Variants in TTYH3 observed in about 807,000 individuals in gnomAD.
TTYH3 encodes the protein protein tweety homolog 3.
In TTYH3, 23 loss-of-function variants were observed where a neutral mutation model predicts 68.2. That is an observed-to-expected ratio of 0.34 (90% CI 0.24 to 0.48). The LOEUF is 0.48. Ranked by LOEUF, TTYH3 falls within the 20% of genes least tolerant of loss-of-function variation. The pLI, the probability that TTYH3 is intolerant of heterozygous loss-of-function variation, is 0.99. For missense variants in TTYH3, 768 were observed against 727.7 expected, an observed-to-expected ratio of 1.06 and a Z score of -0.64; for synonymous variants, 360 against 332.8, an observed-to-expected ratio of 1.08 and a Z score of -0.89.
At position 2,647,893 on chromosome 7, in the gene TTYH3, C is replaced by T. The variant is rs180716740; in HGVS notation, c.627-66C>T. 2.9e-4 allele frequency: 455 copies of T among 1,563,652 alleles called. 1 individual carries two copies. In the African/African-American group the frequency reaches 5.5e-3, roughly 19 times the overall value. ...GCTGGCCTCAGCTCCCCCTCAAGGG[C>T]CCCTGGCGCCCCACTCCCAGGCCCC... is the stretch of plus-strand genomic sequence containing the variant. On this transcript the variant is annotated intron_variant, in intron 4 of 13. Transcript: ENST00000258796.
chr7:2,648,345 G>A (rs976816398), intron 5 of TTYH3: 12 of 370,970 alleles, frequency 3.2e-5, no homozygotes, highest in South Asian at 1.1e-4. Context: ...CCAGGTCTCC[G>A]AGTGCCTGGG....
intron 1 of TTYH3, among the ~76,000 whole-genome samples, chr7:2,634,764 G>A (rs1430910256): frequency 6.6e-6 from 1 of 152,138 alleles, no homozygotes; most frequent in Non-Finnish European, 1.5e-5. Flanking sequence ...ACAGCCCCAG[G>A]AGGTGGGGAG....
At chr7:2,647,068 G>GC (rs1379117452) in intron 2 of TTYH3, 46 bp downstream of exon 2, 1 of 1,070,564 alleles carries the variant, frequency 9.3e-7, no homozygotes, top group Admixed American at 2.3e-5. Context: ...AGAGGGGGCG[G>GC]CCCGAGGGGG....
intron 1 of TTYH3, among the ~76,000 whole-genome samples, chr7:2,640,408 G>GT (rs1001015238): frequency 3.9e-5 from 6 of 152,026 alleles, no homozygotes; most frequent in Non-Finnish European, 8.8e-5. Flanking sequence ...GTGTGTGGGG[G>GT]GGGACGTGTG....
chr7:2,651,464 C>G (rs1786174511), intron 7 of TTYH3, among the ~76,000 whole-genome samples: 1 of 152,226 alleles, frequency 6.6e-6, no homozygotes. Context: ...CCGCTCAGTG[C>G]TACCCACCAC....
chr7:2,664,511 C>T lies in TTYH3; in HGVS notation c.*2772C>T, dbSNP rs1786569593. ...TATAATCTCCTTAAGACTCAGCCTC[C>T]TGGTTTACCCCCCCGGCCTGGGCAT... is the stretch of plus-strand genomic sequence containing the variant. On this transcript the variant is annotated 3_prime_UTR_variant, in exon 14 of 14. Transcript: ENST00000258796. The T allele has an allele frequency of 6.6e-6, 1 of 151,832 alleles. No homozygotes were observed. Among genetic ancestry groups the T allele is most frequent in the Non-Finnish European group, 1.5e-5 (1 of 67,988 alleles). 9.4% of individuals were successfully genotyped at this position (151,832 alleles called of 1,614,324 possible). A position where few individuals can be genotyped will look rare whatever the true frequency, so the allele number is the denominator to read the frequency against.
In TTYH3 at chr7:2,652,178, T is replaced by G; in HGVS notation, c.872-9T>G. 1 of 1,613,290 alleles carries G rather than the reference T, an allele frequency of 6.2e-7. No homozygotes were observed. The highest frequency in any genetic ancestry group is 8.5e-7 in the Non-Finnish European group (1 of 1,179,896). On this transcript the variant is annotated splice_polypyrimidine_tract_variant and intron_variant, in intron 7 of 13. Transcript: ENST00000258796. ...TTGCAGCTCAGCCTTCCCTGATGTC[T>G]CTCCGCAGACATCCTGCAGTACTAC... is the stretch of plus-strand genomic sequence containing the variant.
rs757924462 is a variant in TTYH3, at chr7:2,650,019, G to T, written c.871+31G>T. 6 of 1,611,812 alleles carry T rather than the reference G, an allele frequency of 3.7e-6. No individual in the cohort carries two copies. In the Admixed American group the frequency reaches 8.3e-5, roughly 22 times the overall value. ...TCTGTGTCCACGGCCGTGTCCCAGCGGGTTCCCCAGGGTTGGGCTGAGCCA... is the reference window on the plus strand; with the variant it reads ...TCTGTGTCCACGGCCGTGTCCCAGCTGGTTCCCCAGGGTTGGGCTGAGCCA... On this transcript the variant is annotated intron_variant, in intron 7 of 13. Coordinates refer to ENST00000258796, the MANE Select transcript of TTYH3 (RefSeq NM_025250.3).
chr7:2,637,072 C>T (rs113282382), intron 1 of TTYH3, among the ~76,000 whole-genome samples: 87 of 152,264 alleles, frequency 5.7e-4, no homozygotes, highest in Non-Finnish European at 1.2e-3. Context: ...TCTAGCATCA[C>T]CAGGGGCCAC....
chr7:2,659,075 C>T (rs914106390), intron 13 of TTYH3, 60 bp downstream of exon 13: 3 of 1,528,882 alleles, frequency 2.0e-6, no homozygotes, highest in Admixed American at 3.4e-5. Context: ...TCCGCTGTTC[C>T]ACTGCGTCGG....
rs762776961 is a variant in TTYH3, at chr7:2,652,233, C to G, written c.918C>G (p.Pro306=). The G allele has an allele frequency of 6.2e-7, 1 of 1,612,668 alleles. No homozygotes were observed. The highest frequency in any genetic ancestry group is 1.1e-5 in the South Asian group (1 of 91,082). ...YLACSPRAAN[P]FQQKLSGSHK... is the part of the protein sequence containing the mutation. ...CCTGCTCGCCCCGCGCCGCCAACCC[C>G]TTCCAGCAGGTGAGAGCCTGGGAGG... Residue 306 remains proline (P), a synonymous_variant, in exon 8 of 14, where the codon CCC becomes CCG. Coordinates refer to ENST00000258796, the MANE Select transcript of TTYH3 (RefSeq NM_025250.3).
At chr7:2,642,205 G>C (rs1785864984) in intron 1 of TTYH3, among the ~76,000 whole-genome samples, 1 of 152,138 alleles carries the variant, frequency 6.6e-6, no homozygotes, top group African/African-American at 2.4e-5. Context: ...GACCAGCCTG[G>C]GCAACATAGC....
rs866709381 is a variant in TTYH3 at position 2,632,111 on chromosome 7, A to G, written c.-45A>G. On this transcript the variant is annotated 5_prime_UTR_variant, in exon 1 of 14. Transcript: ENST00000258796. ...AGCCCGCGCCCCGGGCCAGCAAGGG[A>G]GCCCCGCGCAGGCCGCGCGCATCCG... The G allele has an allele frequency of 3.9e-6, 5 of 1,289,240 alleles. No individual in the cohort carries two copies. In the South Asian group the frequency reaches 1.2e-4, roughly 30 times the overall value. 79.9% of individuals were successfully genotyped at this position (1,289,240 alleles called of 1,614,324 possible). A position where few individuals can be genotyped will look rare whatever the true frequency, so the allele number is the denominator to read the frequency against.
intron 1 of TTYH3, 137 bp downstream of exon 1, chr7:2,632,415 C>T (rs577463233): frequency 3.8e-5 from 34 of 898,448 alleles, no homozygotes; most frequent in Admixed American, 1.0e-4. Flanking sequence ...ACCTCCTCCT[C>T]GCAGGTACCG....
intron 7 of TTYH3, among the ~76,000 whole-genome samples, chr7:2,651,784 T>G (rs530195800): frequency 1.6e-4 from 24 of 152,326 alleles, no homozygotes; most frequent in African/African-American, 5.8e-4. Flanking sequence ...GAACTGAACT[T>G]GTAAAGAGTT....
At chr7:2,660,550 G>A (rs1159746855) in intron 13 of TTYH3, 7 of 984,920 alleles carry the variant, frequency 7.1e-6, no homozygotes, top group Middle Eastern at 5.2e-4. Context: ...GCCCCGTCCC[G>A]TCCAGTCCCG....
At chr7:2,647,357 G>C (rs1489331382) in intron 3 of TTYH3, 61 bp from the exon 4 acceptor site, 13 of 1,475,284 alleles carry the variant, frequency 8.8e-6, no homozygotes, top group Non-Finnish European at 1.2e-5. Context: ...GTGCAGGAGG[G>C]GCCCAGACTC....
chr7:2,646,987 G>C lies in TTYH3; in HGVS notation c.258G>C (p.Thr86=), dbSNP rs772025387. 1.6e-4 allele frequency: 251 copies of C among 1,589,260 alleles called. 4 individuals are homozygous for C. Among genetic ancestry groups the C allele is most frequent in the South Asian group, 1.2e-3 (107 of 88,408 alleles). Residue 86 remains threonine (T), a synonymous_variant, in exon 2 of 14, where the codon ACG becomes ACC. Transcript: ENST00000258796. ...EEHLDADCCC[T]AWCVIIATLV... ...ACCTGGACGCCGACTGCTGCTGCAC[G>C]GCCTGGTGTGTCATCATCGCCACGC...
Position 2,658,267 on chromosome 7 carries a change from T to G in TTYH3, c.1251-19T>G, listed in dbSNP as rs780391392. On this transcript the variant is annotated intron_variant, in intron 11 of 13. Coordinates refer to ENST00000258796, the MANE Select transcript of TTYH3 (RefSeq NM_025250.3). The stretch of plus-strand genomic sequence containing the variant: ...TTCCTGCTGGGGCCTGAGCCCGTGC[T>G]GCGTGTCCCTCCTCACAGAGGCCCT... 6 of 1,531,782 alleles carry G rather than the reference T, an allele frequency of 3.9e-6. No homozygotes were observed. In the African/African-American group the frequency reaches 8.2e-5, roughly 21 times the overall value. The allele number at this position is 1,531,782 out of a possible 1,614,324, so 94.9% of individuals were successfully genotyped here.
Sources: allele counts gnomAD v4.1 joint callset (sites outside exome capture counted in the v4.1 genomes callset), GRCh38; gene constraint gnomAD v4.1.1; transcripts MANE v1.5; gene names NCBI Gene and HGNC (gene_info 2026-07-23, HGNC 2026-07-21).